The following IRS2 variants were observed in gnomAD, a reference collection of about 807,000 sequenced individuals.
IRS2 encodes the protein insulin receptor substrate 2.
Under a neutral mutation model 70.9 loss-of-function variants are expected in IRS2, and 28 were observed. The ratio of observed to expected loss-of-function variants is 0.39; its 90% CI spans 0.29 to 0.54. The LOEUF (loss-of-function observed/expected upper bound fraction) is 0.54, where lower values mean the gene tolerates loss of function less well. IRS2 is among the 20% of genes least tolerant of loss of function. The pLI, the probability that IRS2 is intolerant of heterozygous loss-of-function variation, is 0.59. For missense variants in IRS2, 2,081 were observed against 2,024.1 expected, an observed-to-expected ratio of 1.03 and a Z score of -0.54; for synonymous variants, 1,217 against 981.9, an observed-to-expected ratio of 1.24 and a Z score of -4.48.
Position 109,783,364 on chromosome 13 carries a change from C to A in IRS2, c.2690G>T (p.Gly897Val). 2 of 1,543,214 alleles carry A rather than the reference C, an allele frequency of 1.3e-6. No individual in the cohort carries two copies. The highest frequency in any genetic ancestry group is 2.5e-5 in the East Asian group (1 of 39,504). Reference protein sequence around the residue: ...AVRPTRLSLEGLPSLPSMHEY... With the variant: ...AVRPTRLSLEVLPSLPSMHEY... The stretch of plus-strand genomic sequence containing the variant: ...GTGCATGCTGGGCAGGCTGGGCAGC[C>A]CCTCCAGGGACAGGCGCGTGGGCCT... Residue 897 changes from glycine (G) to valine (V), a missense_variant, in exon 1 of 2, where the codon GGG becomes GTG. Coordinates refer to ENST00000375856, the MANE Select transcript of IRS2 (RefSeq NM_003749.3).
chr13:109,784,852 C>G lies in IRS2; in HGVS notation c.1202G>C (p.Arg401Pro). 8.2e-7 allele frequency: 1 copy of G among 1,223,164 alleles called. No individual in the cohort carries two copies. The highest frequency in any genetic ancestry group is 3.3e-4 in the Middle Eastern group (1 of 3,050). The allele number at this position is 1,223,164 out of a possible 1,614,324, so 75.8% of individuals were successfully genotyped here. A position where few individuals can be genotyped will look rare whatever the true frequency, so the allele number is the denominator to read the frequency against. The change falls in exon 1 of 2, where the codon CGC becomes CCC. Residue 401 changes from arginine to proline, a missense_variant. Physicochemically the swap from Arg to Pro is moderately radical, Grantham distance 103 (BLOSUM62 -2). Coordinates refer to ENST00000375856, the MANE Select transcript of IRS2 (RefSeq NM_003749.3). This position sits in a 1 kb window ranked among gnomAD's most constrained non-coding sequence, Gnocchi z 5.2. The part of the protein sequence containing the change: ...SPGPVRAPLS[R>P]SHTLSGGCGG... ...GCAGCCGCCGCTCAGGGTGTGCGAGCGGCTCAGGGGCGCGCGCACCGGCCC... is the reference window on the plus strand; with the variant it reads ...GCAGCCGCCGCTCAGGGTGTGCGAGGGGCTCAGGGGCGCGCGCACCGGCCC...
intron 1 of IRS2, among the ~76,000 whole-genome samples, chr13:109,781,238 C>A (rs1160451992): frequency 6.6e-6 from 1 of 152,172 alleles, no homozygotes; most frequent in Non-Finnish European, 1.5e-5. Flanking sequence ...GGTCCCCCGG[C>A]CAGCAGCATC....
chr13:109,756,447 G>A lies in IRS2; in HGVS notation c.4013-139C>T, dbSNP rs536896617. 4 of 739,178 alleles carry A rather than the reference G, an allele frequency of 5.4e-6. No individual in the cohort carries two copies. The South Asian group carries it at 6.0e-5, about 11-fold the overall frequency. The allele number at this position is 739,178 out of a possible 1,614,324, so 45.8% of individuals were successfully genotyped here. Reference sequence around the variant, plus strand: ...CTGATGACCTTTGAGAAAGAAACATGTATTCATTCTGTTTTCCAGAGGTGA... The same window carrying A: ...CTGATGACCTTTGAGAAAGAAACATATATTCATTCTGTTTTCCAGAGGTGA... On this transcript the variant is annotated intron_variant, in intron 1 of 1. Coordinates refer to ENST00000375856, the MANE Select transcript of IRS2 (RefSeq NM_003749.3).
chr13:109,771,821 G>C (rs1455918830), intron 1 of IRS2, among the ~76,000 whole-genome samples: 1 of 152,190 alleles, frequency 6.6e-6, no homozygotes, highest in African/African-American at 2.4e-5. Flanking sequence ...GCCCTGCAAT[G>C]TCCACAGTAA....
At position 109,754,827 on chromosome 13, in the gene IRS2, A is replaced by G; in HGVS notation, c.*1477T>C. 5.2e-6 allele frequency: 1 copy of G among 191,838 alleles called. No individual in the cohort carries two copies. Among genetic ancestry groups the G allele is most frequent in the East Asian group, 8.5e-5 (1 of 11,834 alleles). 11.9% of individuals were successfully genotyped at this position (191,838 alleles called of 1,614,324 possible). On this transcript the variant is annotated 3_prime_UTR_variant, in exon 2 of 2. Coordinates refer to ENST00000375856, the MANE Select transcript of IRS2 (RefSeq NM_003749.3). ...CTATAGCGATAGATATCTATTATAT[A>G]TTTATATATATTTTTCTAAAAACAA...
At chr13:109,780,011 A>G (rs1877662119) in intron 1 of IRS2, among the ~76,000 whole-genome samples, 1 of 152,200 alleles carries the variant, frequency 6.6e-6, no homozygotes, top group South Asian at 2.1e-4. Context: ...GCTTCATCAG[A>G]AACGCCTTGC....
rs748211544 is a variant in IRS2, at chr13:109,767,728, C to CTTTTTTTTTT, written c.4013-11430_4013-11421dup. On this transcript the variant is annotated intron_variant, in intron 1 of 1. Coordinates refer to ENST00000375856, the MANE Select transcript of IRS2 (RefSeq NM_003749.3). The stretch of plus-strand genomic sequence containing the variant: ...TGGAAAATCAGCTCGACCATTTTTC[C>CTTTTTTTTTT]TTTTTTTTTTTTTTTTTTTTTTGAG... Among the ~76,000 whole-genome samples the CTTTTTTTTTT allele has an allele frequency of 4.2e-5, 5 of 119,800 alleles. 1 individual carries two copies. Among genetic ancestry groups the CTTTTTTTTTT allele is most frequent in the Non-Finnish European group, 3.4e-5 (2 of 58,242 alleles). The allele number at this position is 119,800 out of a possible 152,430, so 78.6% of individuals were successfully genotyped here.
At chr13:109,765,594 A>C (rs1594381281) in intron 1 of IRS2, among the ~76,000 whole-genome samples, 2 of 118,976 alleles carry the variant, frequency 1.7e-5, no homozygotes, top group African/African-American at 3.4e-5. Flanking sequence ...CTTGGATCCA[A>C]CTCCCCACCA....
chr13:109,775,753 AAC>A (rs71127906), intron 1 of IRS2, among the ~76,000 whole-genome samples: 8,916 of 140,414 alleles, frequency 0.063, 302 homozygotes, highest in Middle Eastern at 0.099. Flanking sequence ...ATATTATGGA[AAC>A]ACACACACAC....
intron 1 of IRS2, among the ~76,000 whole-genome samples, chr13:109,771,091 A>G (rs1877442622): frequency 6.6e-6 from 1 of 152,196 alleles, no homozygotes; most frequent in Non-Finnish European, 1.5e-5. Context: ...TGTCCTTTCT[A>G]CTGGACCACT....
chr13:109,760,063 A>G (rs1877194672), intron 1 of IRS2, among the ~76,000 whole-genome samples: 1 of 152,220 alleles, frequency 6.6e-6, no homozygotes, highest in African/African-American at 2.4e-5. Flanking sequence ...ATTTTCTAAC[A>G]CTAATCATCT....
In IRS2 at chr13:109,785,913, G is replaced by GA; in HGVS notation, c.140dup (p.Phe48LeufsTer149). Reference sequence around the variant, plus strand: ...CCGCGCCGGGTCCGCGCAGCACGAAGAAGCGCTTGTGGCCATGCTTCTGCT... The same window carrying GA: ...CCGCGCCGGGTCCGCGCAGCACGAAGAAAGCGCTTGTGGCCATGCTTCTGCT... On this transcript the variant is annotated frameshift_variant, in exon 1 of 2. Coordinates refer to ENST00000375856, the MANE Select transcript of IRS2 (RefSeq NM_003749.3). LOFTEE classifies it high-confidence loss of function. This position sits in a 1 kb window ranked among gnomAD's most constrained non-coding sequence, Gnocchi z 9.3. The GA allele has an allele frequency of 6.7e-7, 1 of 1,495,974 alleles. No individual in the cohort carries two copies. The highest frequency in any genetic ancestry group is 8.9e-7 in the Non-Finnish European group (1 of 1,129,828). 92.7% of individuals were successfully genotyped at this position (1,495,974 alleles called of 1,614,324 possible).
In IRS2 at chr13:109,783,075, G is replaced by A. The variant is rs576119214; in HGVS notation, c.2979C>T (p.Ala993=). 70 of 1,381,410 alleles carry A rather than the reference G, an allele frequency of 5.1e-5. No individual in the cohort carries two copies. The South Asian group carries it at 1.1e-3, about 22-fold the overall frequency. 85.6% of individuals were successfully genotyped at this position (1,381,410 alleles called of 1,614,324 possible). ...AGGAGCCCACGGGGTGGCCGCTCGG[G>A]GCGCCCGGCTTAGGAGACTTGGGGG... ...FSSPKSPKPG[A]PSGHPVGSLD... is the part of the protein sequence containing the mutation. Residue 993 remains alanine, a synonymous_variant, in exon 1 of 2, where the codon GCC becomes GCT. Transcript: ENST00000375856.
In IRS2 at chr13:109,785,205, G is replaced by T. The variant is rs1323934551; in HGVS notation, c.849C>A (p.Ile283=). Residue 283 remains isoleucine (I), a synonymous_variant, in exon 1 of 2, where the codon ATC becomes ATA. Coordinates refer to ENST00000375856, the MANE Select transcript of IRS2 (RefSeq NM_003749.3). The surrounding 1 kb of genome is among the most constrained non-coding windows in gnomAD (Gnocchi z 9.3). ...TCATGGCCTCCAGGATGGTCTCGTG[G>T]ATGTTCTGCGCCACCACCGAGTCGT... ...QADDSVVAQN[I]HETILEAMKA... The T allele has an allele frequency of 1.2e-6, 2 of 1,603,480 alleles. No homozygotes were observed. The highest frequency in any genetic ancestry group is 1.7e-6 in the Non-Finnish European group (2 of 1,175,850).
At chr13:109,766,537 G>A (rs372457327) in intron 1 of IRS2, among the ~76,000 whole-genome samples, 2 of 69,196 alleles carry the variant, frequency 2.9e-5, no homozygotes, top group East Asian at 1.2e-3. Flanking sequence ...TCCCCACCAA[G>A]CATGTAGATA....
intron 1 of IRS2, among the ~76,000 whole-genome samples, chr13:109,759,292 C>T (rs1043012423): frequency 6.6e-6 from 1 of 152,354 alleles, no homozygotes; most frequent in African/African-American, 2.4e-5. Flanking sequence ...CTGCCTCTCA[C>T]AGACCTGCTT....
At chr13:109,761,542 A>G (rs556013553) in intron 1 of IRS2, among the ~76,000 whole-genome samples, 1 of 151,988 alleles carries the variant, frequency 6.6e-6, no homozygotes, top group African/African-American at 2.4e-5. Flanking sequence ...TAAACCCGAT[A>G]ATTTAGTATC....
intron 1 of IRS2, among the ~76,000 whole-genome samples, chr13:109,770,066 G>A (rs1371643704): frequency 6.6e-6 from 1 of 152,204 alleles, no homozygotes; most frequent in East Asian, 1.9e-4. Context: ...TCACGGGTGG[G>A]TGACTTGGAG....
At position 109,770,720 on chromosome 13, in the gene IRS2, C is replaced by A. The variant is rs1040448218; in HGVS notation, c.4012+11322G>T. ...GCCCGGTGGGATGCTGCCAAGTTGA[C>A]TCTGAAGGCACCTAGGGAACAGAGG... On this transcript the variant is annotated intron_variant, in intron 1 of 1. Coordinates refer to ENST00000375856, the MANE Select transcript of IRS2 (RefSeq NM_003749.3). Among the ~76,000 whole-genome samples the A allele has an allele frequency of 5.3e-5, 8 of 152,182 alleles. No individual in the cohort carries two copies. The East Asian group carries it at 1.3e-3, about 26-fold the overall frequency.
Sources: allele counts gnomAD v4.1 joint callset (sites outside exome capture counted in the v4.1 genomes callset), GRCh38; gene constraint gnomAD v4.1.1; non-coding constraint Gnocchi (gnomAD v3.1); transcripts MANE v1.5; gene names NCBI Gene and HGNC (gene_info 2026-07-23, HGNC 2026-07-21).